Variants in CUL1 observed in about 807,000 individuals in gnomAD.
CUL1 encodes cullin-1.
Under a neutral mutation model 118.0 loss-of-function variants are expected in CUL1, and 24 were observed. That is an observed-to-expected ratio of 0.20 (90% CI 0.15 to 0.29). The LOEUF (loss-of-function observed/expected upper bound fraction) is 0.29. Among genes scored for constraint, CUL1 ranks in the 10% least tolerant of loss-of-function variants. CUL1 has a pLI of 1.00. For synonymous variants in CUL1, 332 were observed against 340.4 expected, an observed-to-expected ratio of 0.98 and a Z score of 0.27; for missense variants, 361 against 933.8, an observed-to-expected ratio of 0.39 and a Z score of 7.99.
intron 2 of CUL1, among the ~76,000 whole-genome samples, chr7:148,739,331 T>C (rs1041520476): frequency 1.3e-5 from 2 of 152,202 alleles, no homozygotes; most frequent in East Asian, 3.9e-4. Flanking sequence ...ATAAAAATAC[T>C]GTGAAGCTAA....
intron 7 of CUL1, among the ~76,000 whole-genome samples, chr7:148,761,716 G>A (rs546581949): frequency 2.6e-5 from 4 of 152,268 alleles, no homozygotes; most frequent in East Asian, 1.9e-4. Flanking sequence ...GAGTGTGGCC[G>A]GGTTCCAATA....
chr7:148,749,052 T>A (rs999826649), intron 2 of CUL1, among the ~76,000 whole-genome samples: 12 of 152,174 alleles, frequency 7.9e-5, no homozygotes, highest in Admixed American at 4.6e-4. Flanking sequence ...ATAAGTATTT[T>A]AAATGCTTAT....
chr7:148,731,139 GA>G (rs1386629631), intron 2 of CUL1, among the ~76,000 whole-genome samples: 1 of 152,228 alleles, frequency 6.6e-6, no homozygotes, highest in Non-Finnish European at 1.5e-5. Flanking sequence ...GATGAGGGTG[GA>G]AAAGATGCGG....
chr7:148,701,097 T>C (rs1585518907), intron 1 of CUL1, among the ~76,000 whole-genome samples: 1 of 152,210 alleles, frequency 6.6e-6, no homozygotes, highest in African/African-American at 2.4e-5. Flanking sequence ...TTATTTGTTT[T>C]TGCGTCCCCA....
intron 9 of CUL1, among the ~76,000 whole-genome samples, chr7:148,773,446 C>G (rs944261565): frequency 6.6e-6 from 1 of 152,130 alleles, no homozygotes; most frequent in South Asian, 2.1e-4. Flanking sequence ...ACTCTCATTA[C>G]AAGTGTACAT....
intron 2 of CUL1, among the ~76,000 whole-genome samples, chr7:148,752,213 C>T (rs936139684): frequency 2.0e-5 from 3 of 152,148 alleles, no homozygotes; most frequent in Non-Finnish European, 2.9e-5. Flanking sequence ...AATCATGGTG[C>T]TATTTGCTAG....
intron 9 of CUL1, among the ~76,000 whole-genome samples, chr7:148,781,363 G>C (rs1223863216): frequency 6.6e-6 from 1 of 152,130 alleles, no homozygotes; most frequent in African/African-American, 2.4e-5. Flanking sequence ...TTACAGGCAT[G>C]AGCCACCGCG....
intron 9 of CUL1, among the ~76,000 whole-genome samples, chr7:148,775,497 T>C (rs1800364807): frequency 6.6e-6 from 1 of 152,186 alleles, no homozygotes; most frequent in African/African-American, 2.4e-5. Context: ...ATATTGAAAA[T>C]TTTCTATATT....
chr7:148,725,219 G>GCGCGCGCACACA, intron 1 of CUL1, among the ~76,000 whole-genome samples: 72 of 140,148 alleles, frequency 5.1e-4, no homozygotes, highest in Admixed American at 2.1e-3. Flanking sequence ...ACACGCGCGC[G>GCGCGCGCACACA]CTCACACACA....
intron 17 of CUL1, among the ~76,000 whole-genome samples, chr7:148,795,292 C>T (rs1027853327): frequency 6.6e-6 from 1 of 151,982 alleles, no homozygotes; most frequent in South Asian, 2.1e-4. Flanking sequence ...CCACCATGCT[C>T]AGCTAATTTT....
chr7:148,761,612 A>C (rs1431348831), intron 7 of CUL1, among the ~76,000 whole-genome samples: 3 of 152,374 alleles, frequency 2.0e-5, no homozygotes, highest in Non-Finnish European at 4.4e-5. Flanking sequence ...CTAGAAAGGA[A>C]ATACTTTAGG....
intron 1 of CUL1, among the ~76,000 whole-genome samples, chr7:148,702,820 T>G (rs1797761395): frequency 6.6e-6 from 1 of 152,232 alleles, no homozygotes; most frequent in Non-Finnish European, 1.5e-5. Context: ...TTGATTGTAG[T>G]TGGTGGTTTC....
At chr7:148,769,358 CTT>C (rs1584803271) in intron 9 of CUL1, among the ~76,000 whole-genome samples, 1 of 148,826 alleles carries the variant, frequency 6.7e-6, no homozygotes, top group East Asian at 2.0e-4. Flanking sequence ...GTTTTTATGA[CTT>C]TATTTCCAAG....
intron 1 of CUL1, among the ~76,000 whole-genome samples, chr7:148,714,622 C>T (rs552418905): frequency 4.6e-5 from 7 of 152,302 alleles, no homozygotes; most frequent in African/African-American, 1.7e-4. Flanking sequence ...TGGAGTCTGT[C>T]TGTCTTCTCT....
intron 7 of CUL1, among the ~76,000 whole-genome samples, chr7:148,765,674 T>C (rs559474305): frequency 1.3e-5 from 2 of 152,324 alleles, no homozygotes; most frequent in East Asian, 3.9e-4. Flanking sequence ...TGGAGAGTAT[T>C]GGCATTTTTA....
intron 11 of CUL1, among the ~76,000 whole-genome samples, chr7:148,784,319 A>G (rs906334678): frequency 3.3e-5 from 5 of 152,218 alleles, no homozygotes; most frequent in African/African-American, 7.2e-5. Flanking sequence ...CCAAGCACTA[A>G]CCAGGCCCCA....
At chr7:148,785,857 CA>C (rs1304139045) in intron 11 of CUL1, among the ~76,000 whole-genome samples, 1 of 152,060 alleles carries the variant, frequency 6.6e-6, no homozygotes, top group Non-Finnish European at 1.5e-5. Context: ...ACCCCTGACC[CA>C]AGAGTGCCAA....
chr7:148,718,813 T>G (rs1351462793), intron 1 of CUL1, among the ~76,000 whole-genome samples: 1 of 152,154 alleles, frequency 6.6e-6, no homozygotes, highest in African/African-American at 2.4e-5. Flanking sequence ...CCGCAGATGT[T>G]TAATTATTAG....
chr7:148,789,659 C>T, intron 14 of CUL1, 91 bp from the exon 15 acceptor site: 4 of 932,870 alleles, frequency 4.3e-6, no homozygotes, highest in Non-Finnish European at 6.9e-6. Context: ...AAAGAGCAAT[C>T]CACATTCATC....
Sources: gnomAD v4.1 joint callset for allele counts (sites outside exome capture counted in the v4.1 genomes callset) on GRCh38, gnomAD v4.1.1 for gene constraint, MANE v1.5 for transcripts, NCBI Gene and HGNC (gene_info 2026-07-23, HGNC 2026-07-21) for gene names.